Variants in PCDH9 observed in about 807,000 individuals in gnomAD.
PCDH9 encodes the protein protocadherin-9.
PCDH9 carries 24 observed loss-of-function variants against 70.6 expected under a neutral mutation model. That is an observed-to-expected ratio of 0.34 (90% CI 0.25 to 0.48). PCDH9 has a LOEUF of 0.48. Among genes scored for constraint, PCDH9 ranks in the 20% least tolerant of loss-of-function variants. PCDH9 has a pLI of 0.99. For missense variants in PCDH9, 1,281 were observed against 1,503.6 expected, an observed-to-expected ratio of 0.85 and a Z score of 2.45; for synonymous variants, 562 against 558.5, an observed-to-expected ratio of 1.01 and a Z score of -0.09.
chr13:66,746,649 G>C (rs1041646269), intron 3 of PCDH9, among the ~76,000 whole-genome samples: 2 of 152,102 alleles, frequency 1.3e-5, no homozygotes, highest in African/African-American at 4.8e-5. Flanking sequence ...GTATAAAACA[G>C]ATTTACAGTC....
chr13:67,163,545 C>G (rs1379456808), intron 2 of PCDH9, among the ~76,000 whole-genome samples: 2 of 152,198 alleles, frequency 1.3e-5, no homozygotes, highest in Non-Finnish European at 2.9e-5. Flanking sequence ...AATGTCAAAT[C>G]ATTTTAACAT....
chr13:66,442,843 C>T (rs1297054123), intron 4 of PCDH9, among the ~76,000 whole-genome samples: 2 of 152,104 alleles, frequency 1.3e-5, no homozygotes, highest in East Asian at 1.9e-4. Context: ...GAGGTTTAGT[C>T]ATTGACAAAA....
chr13:66,669,621 T>A (rs376422548), intron 3 of PCDH9, among the ~76,000 whole-genome samples: 1 of 152,086 alleles, frequency 6.6e-6, no homozygotes, highest in East Asian at 1.9e-4. Context: ...GAAAACCAAA[T>A]GGGAATGGAG....
At chr13:66,449,291 T>A (rs1958159723) in intron 4 of PCDH9, among the ~76,000 whole-genome samples, 1 of 152,226 alleles carries the variant, frequency 6.6e-6, no homozygotes, top group African/African-American at 2.4e-5. Flanking sequence ...ATTTCAGGAT[T>A]AAATGTGCCA....
intron 4 of PCDH9, among the ~76,000 whole-genome samples, chr13:66,607,960 A>G (rs893204169): frequency 1.3e-5 from 2 of 152,162 alleles, no homozygotes; most frequent in Non-Finnish European, 2.9e-5. Flanking sequence ...AGGTTTTTCA[A>G]ACACACTGTA....
chr13:66,751,615 AT>A (rs2079460731), intron 3 of PCDH9, among the ~76,000 whole-genome samples: 2 of 152,194 alleles, frequency 1.3e-5, no homozygotes, highest in African/African-American at 4.8e-5. Context: ...TGAAATGTTC[AT>A]TCCAAAGCAG....
chr13:66,717,333 T>A (rs1278647829), intron 3 of PCDH9, among the ~76,000 whole-genome samples: 1 of 149,334 alleles, frequency 6.7e-6, no homozygotes, highest in Non-Finnish European at 1.5e-5. Flanking sequence ...GTGCCTATAA[T>A]CCCAGCTACT....
chr13:67,083,038 A>C (rs955731387), intron 2 of PCDH9, among the ~76,000 whole-genome samples: 4 of 152,176 alleles, frequency 2.6e-5, no homozygotes, highest in Non-Finnish European at 4.4e-5. Flanking sequence ...CTAAAATAAA[A>C]TTAATGGAAA....
chr13:66,793,393 A>G (rs2080191656), intron 3 of PCDH9, among the ~76,000 whole-genome samples: 1 of 152,176 alleles, frequency 6.6e-6, no homozygotes, highest in Non-Finnish European at 1.5e-5. Flanking sequence ...ATAACTTAGT[A>G]TTACTTTAGG....
chr13:66,844,360 G>C (rs913409965), intron 3 of PCDH9, among the ~76,000 whole-genome samples: 5 of 152,090 alleles, frequency 3.3e-5, no homozygotes, highest in African/African-American at 1.2e-4. Flanking sequence ...GCCGAGGCGA[G>C]TGGATCCCGA....
chr13:66,332,692 G>A (rs183930279), intron 4 of PCDH9, among the ~76,000 whole-genome samples: 3,796 of 152,038 alleles, frequency 0.025, 108 homozygotes, highest in Admixed American at 0.071. Context: ...TAGGAGAGAT[G>A]ACTCCTGGGA....
Position 66,636,082 on chromosome 13 carries a change from T to C in PCDH9, c.3139-4671A>G, listed in dbSNP as rs146022630. Among the ~76,000 whole-genome samples the C allele has an allele frequency of 6.8e-3, 1,028 of 152,248 alleles. 11 individuals carry two copies. Among genetic ancestry groups the C allele is most frequent in the African/African-American group, 0.024 (983 of 41,566 alleles). ...AATTGCATTTTTGTTAATGTGTATG[T>C]ATGTGTGAATCTGCATAAGCTAATT... On this transcript the variant is annotated intron_variant, in intron 3 of 4. Coordinates refer to ENST00000377865, the MANE Select transcript of PCDH9 (RefSeq NM_203487.3).
At chr13:66,520,358 A>G (rs778885005) in intron 4 of PCDH9, among the ~76,000 whole-genome samples, 12 of 152,162 alleles carry the variant, frequency 7.9e-5, no homozygotes, top group Non-Finnish European at 1.3e-4. Context: ...AGAAGAAAAC[A>G]GTGATTCAGA....
intron 2 of PCDH9, among the ~76,000 whole-genome samples, chr13:66,957,475 T>G (rs530553456): frequency 6.6e-6 from 1 of 152,276 alleles, no homozygotes; most frequent in East Asian, 1.9e-4. Flanking sequence ...AAACAGGTTC[T>G]CTCCTAAAGA....
intron 2 of PCDH9, among the ~76,000 whole-genome samples, chr13:66,963,231 C>T (rs1269313347): frequency 6.6e-6 from 1 of 152,274 alleles, no homozygotes; most frequent in East Asian, 1.9e-4. Flanking sequence ...CCCTGGGCCC[C>T]TAATAGGCCA....
At chr13:66,655,111 T>C (rs2077910855) in intron 3 of PCDH9, among the ~76,000 whole-genome samples, 1 of 152,066 alleles carries the variant, frequency 6.6e-6, no homozygotes, top group African/African-American at 2.4e-5. Flanking sequence ...TTTCAACAAG[T>C]TGCATTTATG....
At chr13:66,731,023 G>A (rs779458716) in intron 3 of PCDH9, among the ~76,000 whole-genome samples, 5 of 151,256 alleles carry the variant, frequency 3.3e-5, no homozygotes, top group Admixed American at 6.6e-5. Context: ...AGGCCCAGGC[G>A]TATAATATAT....
chr13:66,387,450 TG>T (rs1190379891), intron 4 of PCDH9, among the ~76,000 whole-genome samples: 7 of 151,642 alleles, frequency 4.6e-5, no homozygotes, highest in Admixed American at 1.3e-4. Flanking sequence ...GAGAGGAGTT[TG>T]GGTCAAAAAG....
chr13:66,963,083 G>C lies in PCDH9; in HGVS notation c.3037-59478C>G, dbSNP rs571878757. ...ACCCTCGCATGCTCAGTTCACAACA[G>C]GGTTTGTGCTCCTATGAGAATCTAA... is the stretch of plus-strand genomic sequence containing the variant. On this transcript the variant is annotated intron_variant, in intron 2 of 4. Coordinates refer to ENST00000377865, the MANE Select transcript of PCDH9 (RefSeq NM_203487.3). 5.3e-5 allele frequency among the ~76,000 whole-genome samples: 8 copies of C among 152,208 alleles called. No individual in the cohort carries two copies. The South Asian group carries it at 1.7e-3, about 32-fold the overall frequency.
Sources: gnomAD v4.1 joint callset for allele counts (sites outside exome capture counted in the v4.1 genomes callset) on GRCh38, gnomAD v4.1.1 for gene constraint, MANE v1.5 for transcripts, NCBI Gene and HGNC (gene_info 2026-07-23, HGNC 2026-07-21) for gene names.